Variants in SHROOM4 observed in about 807,000 individuals in gnomAD.
SHROOM4 encodes protein Shroom4.
Under a neutral mutation model 80.3 loss-of-function variants are expected in SHROOM4, and 17 were observed. That is an observed-to-expected ratio of 0.21 (90% CI 0.14 to 0.32). SHROOM4 has a LOEUF of 0.32. Ranked by LOEUF, SHROOM4 falls within the 10% of genes least tolerant of loss-of-function variation. The pLI, the probability that SHROOM4 is intolerant of heterozygous loss-of-function variation, is 1.00. For synonymous variants in SHROOM4, 400 were observed against 437.5 expected, an observed-to-expected ratio of 0.91 and a Z score of 1.07; for missense variants, 993 against 1,140.3, an observed-to-expected ratio of 0.87 and a Z score of 1.86.
At chrX:50,793,949 A>G (rs1201956325) in intron 1 of SHROOM4, among the ~76,000 whole-genome samples, 4 of 110,691 alleles carry the variant, frequency 3.6e-5, no homozygotes, top group African/African-American at 1.3e-4. Flanking sequence ...AATAATCACA[A>G]CCAGTCTATG....
intron 2 of SHROOM4, among the ~76,000 whole-genome samples, chrX:50,654,992 C>T (rs2147353051): frequency 9.6e-6 from 1 of 104,131 alleles, no homozygotes; most frequent in African/African-American, 3.5e-5. Flanking sequence ...TCTTTAGGTC[C>T]ATGAGTACCC....
intron 1 of SHROOM4, among the ~76,000 whole-genome samples, chrX:50,805,093 A>G (rs1936200762): frequency 9.0e-6 from 1 of 111,420 alleles, no homozygotes; most frequent in Non-Finnish European, 1.9e-5. Context: ...TACTTATATC[A>G]AACACAAACA....
chrX:50,635,300 G>A lies in SHROOM4; in HGVS notation c.773C>T (p.Pro258Leu), dbSNP rs782735031. Residue 258 changes from proline (P) to leucine (L), a missense_variant, in exon 4 of 9, where the codon CCA becomes CTA. Pro to Leu is a moderately conservative substitution (Grantham distance 98, BLOSUM62 -3). Coordinates refer to ENST00000376020, the MANE Select transcript of SHROOM4 (RefSeq NM_020717.5). ...GGGCCCTGACTGGTATCCCTCCTGTGGACGGGATGACATCTGAGAGCTGGG... is the reference window on the plus strand; with the variant it reads ...GGGCCCTGACTGGTATCCCTCCTGTAGACGGGATGACATCTGAGAGCTGGG... The part of the protein sequence containing the change: ...LTPSSQMSSR[P>L]QEGYQSGPAK... The A allele has an allele frequency of 8.3e-7, 1 of 1,201,048 alleles. No individual in the cohort carries two copies. Among genetic ancestry groups the A allele is most frequent in the East Asian group, 3.0e-5 (1 of 33,338 alleles).
Position 50,589,750 on chromosome X carries a change from C to T in SHROOM4, c.*6945G>A, listed in dbSNP as rs1206902392. On this transcript the variant is annotated 3_prime_UTR_variant, in exon 9 of 9. Transcript: ENST00000376020. ...GCCACTTTAAACATTCATGTTCACG[C>T]TTTTGTTTGAACACCTGTTTCCAAT... Among the ~76,000 whole-genome samples, 1 of 111,902 alleles carries T rather than the reference C, an allele frequency of 8.9e-6. No individual in the cohort carries two copies. Among genetic ancestry groups the T allele is most frequent in the East Asian group, 2.8e-4 (1 of 3,573 alleles).
chrX:50,632,921 C>A (rs1931129735), intron 4 of SHROOM4, among the ~76,000 whole-genome samples: 1 of 111,494 alleles, frequency 9.0e-6, no homozygotes, highest in Non-Finnish European at 1.9e-5. Context: ...ACTCAGATAT[C>A]AATTTTATAG....
At chrX:50,788,146 T>C (rs1935784025) in intron 1 of SHROOM4, among the ~76,000 whole-genome samples, 1 of 111,692 alleles carries the variant, frequency 9.0e-6, no homozygotes, top group Non-Finnish European at 1.9e-5. Flanking sequence ...ATGTTAATGA[T>C]AAAAATAAAA....
At chrX:50,719,718 T>C (rs1374883279) in intron 1 of SHROOM4, among the ~76,000 whole-genome samples, 1 of 112,371 alleles carries the variant, frequency 8.9e-6, no homozygotes, top group Admixed American at 9.4e-5. Flanking sequence ...TCAGACTGCC[T>C]GCAATTTCCA....
downstream of SHROOM4, among the ~76,000 whole-genome samples, chrX:50,585,773 C>T (rs1557244759): frequency 1.8e-5 from 2 of 111,477 alleles, no homozygotes; most frequent in African/African-American, 6.5e-5. Context: ...GCCATTCCAG[C>T]GAGCTCCCAA....
At chrX:50,606,431 A>G (rs1439159254) in intron 6 of SHROOM4, among the ~76,000 whole-genome samples, 1 of 110,775 alleles carries the variant, frequency 9.0e-6, no homozygotes, top group Non-Finnish European at 1.9e-5. Context: ...AAAGAGAGTT[A>G]AGGAAAGCAC....
At chrX:50,710,413 A>G (rs1933782535) in intron 1 of SHROOM4, among the ~76,000 whole-genome samples, 1 of 111,857 alleles carries the variant, frequency 8.9e-6, no homozygotes, top group Admixed American at 9.5e-5. Flanking sequence ...TAATGCAGGA[A>G]CAGAAAACCA....
At chrX:50,768,904 T>C (rs1183292862) in intron 1 of SHROOM4, among the ~76,000 whole-genome samples, 1 of 111,839 alleles carries the variant, frequency 8.9e-6, no homozygotes, top group Non-Finnish European at 1.9e-5. Flanking sequence ...GGCAGGTTGA[T>C]AGATTTCTCA....
chrX:50,602,756 G>A lies in SHROOM4; in HGVS notation c.3819C>T (p.Tyr1273=), dbSNP rs782265570. 2 of 1,211,466 alleles carry A rather than the reference G, an allele frequency of 1.7e-6. No individual in the cohort carries two copies. The highest frequency in any genetic ancestry group is 1.8e-5 in the South Asian group (1 of 56,974). ...CCACAGAAATATTGTAATAAGCTGAGTAAGAGGTAGGGATTCCTGGGGCCC... is the reference window on the plus strand; with the variant it reads ...CCACAGAAATATTGTAATAAGCTGAATAAGAGGTAGGGATTCCTGGGGCCC... ...PSGAPGIPTS[Y]SAYYNISVAK... Residue 1273 remains tyrosine (Y), a synonymous_variant, in exon 7 of 9, where the codon TAC becomes TAT. Coordinates refer to ENST00000376020, the MANE Select transcript of SHROOM4 (RefSeq NM_020717.5).
intron 5 of SHROOM4, among the ~76,000 whole-genome samples, chrX:50,613,294 A>G (rs1481994516): frequency 1.8e-5 from 2 of 111,269 alleles, no homozygotes; most frequent in Non-Finnish European, 3.8e-5. Context: ...TTGTATTTTT[A>G]GTAGAGACAG....
chrX:50,791,649 C>T (rs1208608957), intron 1 of SHROOM4, among the ~76,000 whole-genome samples: 12 of 87,672 alleles, frequency 1.4e-4, no homozygotes, highest in African/African-American at 5.6e-4. Context: ...GTCTTGGAAT[C>T]CTAGGTTCAA....
intron 1 of SHROOM4, among the ~76,000 whole-genome samples, chrX:50,744,351 T>A (rs1934731251): frequency 8.9e-6 from 1 of 111,842 alleles, no homozygotes. Context: ...CTTCTGCCTC[T>A]TCTGCCATGA....
chrX:50,710,875 A>G (rs782070322), intron 1 of SHROOM4, among the ~76,000 whole-genome samples: 5 of 110,687 alleles, frequency 4.5e-5, no homozygotes, highest in Admixed American at 3.9e-4. Flanking sequence ...ACTCAGGCAC[A>G]CACACTCCTC....
At chrX:50,623,626 A>C (rs1930675074) in intron 5 of SHROOM4, among the ~76,000 whole-genome samples, 1 of 112,208 alleles carries the variant, frequency 8.9e-6, no homozygotes, top group African/African-American at 3.2e-5. Flanking sequence ...TTCCTCAAAA[A>C]GTTAAACAAT....
chrX:50,744,863 C>A (rs1934742494), intron 1 of SHROOM4, among the ~76,000 whole-genome samples: 1 of 111,543 alleles, frequency 9.0e-6, no homozygotes, highest in African/African-American at 3.3e-5. Context: ...ATGTCATGTT[C>A]ATTTCTCTTC....
intron 1 of SHROOM4, among the ~76,000 whole-genome samples, chrX:50,753,762 T>G (rs1304883513): frequency 2.7e-5 from 3 of 112,382 alleles, no homozygotes; most frequent in Non-Finnish European, 5.6e-5. Flanking sequence ...CTTTTTACCT[T>G]TTTAATGTGA....
Sources: allele counts gnomAD v4.1 joint callset (sites outside exome capture counted in the v4.1 genomes callset), GRCh38; gene constraint gnomAD v4.1.1; transcripts MANE v1.5; gene names NCBI Gene and HGNC (gene_info 2026-07-23, HGNC 2026-07-21).